CREB3L2: variants seen among roughly 807,000 people sequenced by gnomAD.
The protein encoded by CREB3L2 is cyclic AMP-responsive element-binding protein 3-like protein 2.
In CREB3L2, 23 loss-of-function variants were observed where a neutral mutation model predicts 57.2. The ratio of observed to expected loss-of-function variants is 0.40; its 90% CI spans 0.29 to 0.57. The LOEUF (loss-of-function observed/expected upper bound fraction) is 0.57. Among genes scored for constraint, CREB3L2 ranks in the 20% least tolerant of loss-of-function variants. The pLI is 0.42. For missense variants in CREB3L2, 628 were observed against 634.7 expected, an observed-to-expected ratio of 0.99 and a Z score of 0.11; for synonymous variants, 268 against 265.1, an observed-to-expected ratio of 1.01 and a Z score of -0.11.
At chr7:137,892,877 T>C (rs1799552008) in intron 8 of CREB3L2, among the ~76,000 whole-genome samples, 1 of 152,040 alleles carries the variant, frequency 6.6e-6, no homozygotes, top group Non-Finnish European at 1.5e-5. Flanking sequence ...ACAATGTTAA[T>C]AATTATAAGT....
intron 8 of CREB3L2, among the ~76,000 whole-genome samples, chr7:137,894,155 G>A (rs1330182911): frequency 6.6e-6 from 1 of 152,204 alleles, no homozygotes; most frequent in Non-Finnish European, 1.5e-5. Context: ...AACCTGGACA[G>A]ATGAGGTAAT....
intron 1 of CREB3L2, among the ~76,000 whole-genome samples, chr7:137,963,480 C>T (rs1356089325): frequency 6.6e-6 from 1 of 152,140 alleles, no homozygotes; most frequent in Non-Finnish European, 1.5e-5. Context: ...TGTATTTATC[C>T]TAAGGTAAAC....
chr7:137,902,571 G>A (rs541497805), intron 7 of CREB3L2, among the ~76,000 whole-genome samples: 8 of 152,156 alleles, frequency 5.3e-5, no homozygotes, highest in East Asian at 1.9e-4. Flanking sequence ...GTCTTCCCAC[G>A]GTATTCAGGG....
chr7:137,956,082 T>C (rs1277898054), intron 1 of CREB3L2, among the ~76,000 whole-genome samples: 1 of 152,222 alleles, frequency 6.6e-6, no homozygotes, highest in Non-Finnish European at 1.5e-5. Flanking sequence ...CTTGTGTTAC[T>C]AGGCACCAGG....
intron 1 of CREB3L2, among the ~76,000 whole-genome samples, chr7:137,930,927 T>TAAA (rs34350375): frequency 9.7e-5 from 14 of 144,280 alleles, no homozygotes; most frequent in South Asian, 4.4e-4. Flanking sequence ...TCATTCCTTT[T>TAAA]AAAAAAAAAA....
intron 2 of CREB3L2, among the ~76,000 whole-genome samples, chr7:137,926,937 C>T (rs1800478892): frequency 6.6e-6 from 1 of 152,020 alleles, no homozygotes; most frequent in Non-Finnish European, 1.5e-5. Context: ...CCACTTCAGC[C>T]CAGGAGTTCA....
chr7:137,916,783 AGAGT>A (rs999880272), intron 2 of CREB3L2, among the ~76,000 whole-genome samples: 2 of 151,902 alleles, frequency 1.3e-5, no homozygotes, highest in African/African-American at 4.8e-5. Context: ...AGTGAGAGTG[AGAGT>A]GAGAGCGAGA....
In CREB3L2 at chr7:137,915,890, C is replaced by A; in HGVS notation, c.442G>T (p.Ala148Ser). ...LVPSVTLTIT[A>S]ISTPLEKEEP... ...TCCTTTTCCAACGGGGTGGAGATGG[C>A]TGTGATGGTCAGAGTGACAGACGGA... The change falls in exon 3 of 12, where the codon GCC becomes TCC. Residue 148 changes from alanine to serine, a missense_variant. Coordinates refer to ENST00000330387, the MANE Select transcript of CREB3L2 (RefSeq NM_194071.4). 1.2e-6 allele frequency: 2 copies of A among 1,614,136 alleles called. No individual in the cohort carries two copies. The highest frequency in any genetic ancestry group is 1.7e-6 in the Non-Finnish European group (2 of 1,179,994).
intron 1 of CREB3L2, among the ~76,000 whole-genome samples, chr7:137,945,146 T>C (rs987838326): frequency 6.6e-6 from 1 of 152,040 alleles, no homozygotes; most frequent in Non-Finnish European, 1.5e-5. Context: ...CTGCCCGCCT[T>C]GGCTTCCCAA....
chr7:137,951,716 C>A (rs1462048194), intron 1 of CREB3L2, among the ~76,000 whole-genome samples: 1 of 152,178 alleles, frequency 6.6e-6, no homozygotes, highest in African/African-American at 2.4e-5. Flanking sequence ...GACATGGTGG[C>A]TCATGCCTGT....
intron 1 of CREB3L2, among the ~76,000 whole-genome samples, chr7:137,942,554 T>C (rs1800896468): frequency 6.6e-6 from 1 of 152,160 alleles, no homozygotes; most frequent in African/African-American, 2.4e-5. Context: ...AGTTGAAGAA[T>C]TTCTAAGAAG....
At chr7:137,912,760 T>C in intron 4 of CREB3L2, 2 of 1,270,146 alleles carry the variant, frequency 1.6e-6, no homozygotes, top group South Asian at 2.8e-5. Context: ...AGTAAAAGTA[T>C]GGTAACACTT....
chr7:137,993,207 T>C (rs1801931393), intron 1 of CREB3L2, among the ~76,000 whole-genome samples: 1 of 152,190 alleles, frequency 6.6e-6, no homozygotes, highest in Non-Finnish European at 1.5e-5. Context: ...GGAAAAGTAC[T>C]TCTATTATGG....
At chr7:137,946,880 C>CTATATAGTTATATA (rs1800999810) in intron 1 of CREB3L2, among the ~76,000 whole-genome samples, 1 of 34,074 alleles carries the variant, frequency 2.9e-5, no homozygotes, top group African/African-American at 2.1e-4. Flanking sequence ...ATATAGTTAT[C>CTATATAGTTATATA]TATATAGTTA....
At chr7:137,886,306 G>A (rs1344163911) in intron 8 of CREB3L2, among the ~76,000 whole-genome samples, 7 of 152,188 alleles carry the variant, frequency 4.6e-5, no homozygotes, top group African/African-American at 1.7e-4. Flanking sequence ...ATGACCAGCA[G>A]AGAACAACAG....
intron 1 of CREB3L2, among the ~76,000 whole-genome samples, chr7:137,974,784 C>T (rs1801576785): frequency 6.6e-6 from 1 of 152,138 alleles, no homozygotes; most frequent in Non-Finnish European, 1.5e-5. Flanking sequence ...AGGTGCCTGG[C>T]CTGCCCCAGT....
rs1802076558 is a variant in CREB3L2 at position 138,001,531 on chromosome 7, A to G, written c.102+73T>C. 8.7e-7 allele frequency: 1 copy of G among 1,155,312 alleles called. No individual in the cohort carries two copies. The allele number at this position is 1,155,312 out of a possible 1,614,324, so 71.6% of individuals were successfully genotyped here. A position where few individuals can be genotyped will look rare whatever the true frequency, so the allele number is the denominator to read the frequency against. On this transcript the variant is annotated intron_variant, in intron 1 of 11. Transcript: ENST00000330387. The surrounding 1 kb of genome is among the most constrained non-coding windows in gnomAD (Gnocchi z 4.2). ...AAACCCTGCCTTCCCGGGTCCCAGG[A>G]CTCCAGCTGCTCCTCGCGTGACAAC...
chr7:137,913,764 CT>C (rs2117216585), intron 3 of CREB3L2, among the ~76,000 whole-genome samples: 1 of 152,176 alleles, frequency 6.6e-6, no homozygotes, highest in East Asian at 1.9e-4. Context: ...CCTCACTCCA[CT>C]TTGGGGGCTT....
intron 8 of CREB3L2, among the ~76,000 whole-genome samples, chr7:137,886,016 T>C (rs1317042426): frequency 1.3e-5 from 2 of 152,176 alleles, no homozygotes; most frequent in African/African-American, 4.8e-5. Flanking sequence ...CCTTCCACTA[T>C]GAGAGGACAC....
Sources: allele counts gnomAD v4.1 joint callset (sites outside exome capture counted in the v4.1 genomes callset), GRCh38; gene constraint gnomAD v4.1.1; non-coding constraint Gnocchi (gnomAD v3.1); transcripts MANE v1.5; gene names NCBI Gene and HGNC (gene_info 2026-07-23, HGNC 2026-07-21).